S100A11: variants seen among roughly 807,000 people sequenced by gnomAD.
The protein encoded by S100A11 is S100 calcium binding protein A11, also known as protein S100-A11.
A neutral mutation model predicts 7.4 loss-of-function variants in S100A11; 5 were observed. The ratio of observed to expected loss-of-function variants is 0.68; its 90% CI spans 0.35 to 1.42. The LOEUF is 1.42. Among genes scored for constraint, S100A11 ranks in the 40% most tolerant of loss-of-function variants. S100A11 has a pLI of 0.04. For synonymous variants in S100A11, 47 were observed against 46.6 expected, an observed-to-expected ratio of 1.01 and a Z score of -0.04; for missense variants, 96 against 125.0, an observed-to-expected ratio of 0.77 and a Z score of 1.11.
At chr1:152,032,901 CA>C in intron 2 of S100A11, 78 bp from the exon 3 acceptor site, 1 of 1,112,456 alleles carries the variant, frequency 9.0e-7, no homozygotes, top group Non-Finnish European at 1.3e-6. Context: ...ATTTTATTCT[CA>C]CAGGAGTATA....
At position 152,032,774 on chromosome 1, in the gene S100A11, G is replaced by A. The variant is rs1447849101; in HGVS notation, c.206C>T (p.Thr69Ile). 1.2e-6 allele frequency: 2 copies of A among 1,613,938 alleles called. No homozygotes were observed. Among genetic ancestry groups the A allele is most frequent in the South Asian group, 2.2e-5 (2 of 91,080 alleles). Reference protein sequence around the residue: ...VLDRMMKKLDTNSDGQLDFSE... With the variant: ...VLDRMMKKLDINSDGQLDFSE... ...GAAATCTAGCTGACCATCACTGTTG[G>A]TGTCCAGTTTCTTCATCATGCGGTC... The change falls in exon 3 of 3, where the codon ACC becomes ATC. Residue 69 changes from threonine (T) to isoleucine (I), a missense_variant. Transcript: ENST00000271638.
chr1:152,034,655 A>C (rs1656800652), intron 1 of S100A11, among the ~76,000 whole-genome samples: 1 of 152,240 alleles, frequency 6.6e-6, no homozygotes, highest in Non-Finnish European at 1.5e-5. Flanking sequence ...AGGAAATTCT[A>C]TAGGGCCCAG....
chr1:152,035,120 T>C (rs189722981), intron 1 of S100A11, among the ~76,000 whole-genome samples: 4 of 152,356 alleles, frequency 2.6e-5, no homozygotes, highest in Non-Finnish European at 5.9e-5. Context: ...GTTTTTGTTT[T>C]GCTCTAAATT....
intron 1 of S100A11, among the ~76,000 whole-genome samples, chr1:152,035,554 T>C (rs1656814896): frequency 6.6e-6 from 1 of 152,230 alleles, no homozygotes; most frequent in South Asian, 2.1e-4. Flanking sequence ...CTCCCAGAGG[T>C]AATTCTCCAA....
chr1:152,033,630 G>T lies in S100A11; in HGVS notation c.156+18C>A. ...GTTGTGGGTAGTTTGGGGAAGTGGGGGAGACAGGGACCAGTACCTTTGTGA... is the reference window on the plus strand; with the variant it reads ...GTTGTGGGTAGTTTGGGGAAGTGGGTGAGACAGGGACCAGTACCTTTGTGA... On this transcript the variant is annotated intron_variant, in intron 2 of 2. Transcript: ENST00000271638. This position sits in a 1 kb window ranked among gnomAD's most constrained non-coding sequence, Gnocchi z 4.0. The T allele has an allele frequency of 6.2e-7, 1 of 1,610,186 alleles. No individual in the cohort carries two copies. The highest frequency in any genetic ancestry group is 1.1e-5 in the South Asian group (1 of 90,926).
chr1:152,035,466 T>C (rs74509914), intron 1 of S100A11, among the ~76,000 whole-genome samples: 1,865 of 152,348 alleles, frequency 0.012, 37 homozygotes, highest in African/African-American at 0.043. Flanking sequence ...CTTGGTGTAA[T>C]TTAGAGATTA....
chr1:152,032,763 C>T lies in S100A11; in HGVS notation c.217G>A (p.Gly73Ser). ...MMKKLDTNSDGQLDFSEFLNL... is the reference protein window; with the variant it reads ...MMKKLDTNSDSQLDFSEFLNL... ...AGAAATTCTGAGAAATCTAGCTGAC[C>T]ATCACTGTTGGTGTCCAGTTTCTTC... The change falls in exon 3 of 3, where the codon GGT becomes AGT. Residue 73 changes from glycine to serine, a missense_variant. Transcript: ENST00000271638. 1.2e-6 allele frequency: 2 copies of T among 1,613,952 alleles called. No individual in the cohort carries two copies. Among genetic ancestry groups the T allele is most frequent in the Middle Eastern group, 1.6e-4 (1 of 6,062 alleles).
Position 152,033,796 on chromosome 1 carries a change from T to G in S100A11, c.8A>C (p.Lys3Thr). 2 of 1,614,022 alleles carry G rather than the reference T, an allele frequency of 1.2e-6. No homozygotes were observed. The highest frequency in any genetic ancestry group is 2.7e-5 in the African/African-American group (2 of 75,006). MA[K>T]ISSPTETERC... is the part of the protein sequence containing the mutation. ...CTCAGTCTCTGTAGGGCTGGAGATT[T>G]TTGCCTTTGGAGAAAAAAAATTGCA... is the stretch of plus-strand genomic sequence containing the variant. The change falls in exon 2 of 3, where the codon AAA becomes ACA. Residue 3 changes from lysine to threonine, a missense_variant. By Grantham distance (78) the Lys-to-Thr change is moderately conservative. Transcript: ENST00000271638. The surrounding 1 kb of genome is among the most constrained non-coding windows in gnomAD (Gnocchi z 4.0).
chr1:152,032,564 G>A lies in S100A11; in HGVS notation c.*98C>T. 1.9e-6 allele frequency: 2 copies of A among 1,041,100 alleles called. No homozygotes were observed. The highest frequency in any genetic ancestry group is 1.7e-5 in the South Asian group (1 of 58,400). 64.5% of individuals were successfully genotyped at this position (1,041,100 alleles called of 1,614,324 possible). On this transcript the variant is annotated 3_prime_UTR_variant, in exon 3 of 3. Coordinates refer to ENST00000271638, the MANE Select transcript of S100A11 (RefSeq NM_005620.2). ...CTATTGGCAGGTGGGGCCTGCATGA[G>A]GTGGTTAGTGTGCTCAGGGGATGGG...
At chr1:152,035,973 G>C (rs1481254240) in intron 1 of S100A11, among the ~76,000 whole-genome samples, 1 of 152,252 alleles carries the variant, frequency 6.6e-6, no homozygotes, top group South Asian at 2.1e-4. Context: ...ACCCCAGACA[G>C]TATGGAAGGG....
At position 152,036,940 on chromosome 1, in the gene S100A11, G is replaced by A; in HGVS notation, c.-25C>T. On this transcript the variant is annotated 5_prime_UTR_variant, in exon 1 of 3. Coordinates refer to ENST00000271638, the MANE Select transcript of S100A11 (RefSeq NM_005620.2). ...TGTTGGAGCTGAGCGAGGCGCGGGA[G>A]GCTGTGGCTGGGAGCGGCGCTGAGA... The A allele has an allele frequency of 6.2e-7, 1 of 1,613,610 alleles. No homozygotes were observed. Among genetic ancestry groups the A allele is most frequent in the South Asian group, 1.1e-5 (1 of 91,050 alleles).
In S100A11 at chr1:152,032,763, C is replaced by G; in HGVS notation, c.217G>C (p.Gly73Arg). The G allele has an allele frequency of 6.2e-7, 1 of 1,613,952 alleles. No homozygotes were observed. Among genetic ancestry groups the G allele is most frequent in the South Asian group, 1.1e-5 (1 of 91,078 alleles). ...AGAAATTCTGAGAAATCTAGCTGAC[C>G]ATCACTGTTGGTGTCCAGTTTCTTC... ...MMKKLDTNSD[G>R]QLDFSEFLNL... is the part of the protein sequence containing the mutation. Residue 73 changes from glycine (G) to arginine (R), a missense_variant, in exon 3 of 3, where the codon GGT becomes CGT. Transcript: ENST00000271638.
rs1656775261 is a variant in S100A11, at chr1:152,033,311, C to A, written c.156+337G>T. On this transcript the variant is annotated intron_variant, in intron 2 of 2. Coordinates refer to ENST00000271638, the MANE Select transcript of S100A11 (RefSeq NM_005620.2). The surrounding 1 kb of genome is among the most constrained non-coding windows in gnomAD (Gnocchi z 4.0). ...AAGTCAGTCTGTTAGTCACACTAGC[C>A]ACATTTCAAGCACTCAGCAGACACA... 6.6e-6 allele frequency among the ~76,000 whole-genome samples: 1 copy of A among 152,212 alleles called. No homozygotes were observed. The highest frequency in any genetic ancestry group is 6.5e-5 in the Admixed American group (1 of 15,288).
At position 152,033,793 on chromosome 1, in the gene S100A11, A is replaced by G. The variant is rs764726599; in HGVS notation, c.11T>C (p.Ile4Thr). The change falls in exon 2 of 3, where the codon ATC (isoleucine) becomes ACC (threonine). Residue 4 changes from isoleucine (I) to threonine (T), a missense_variant. Coordinates refer to ENST00000271638, the MANE Select transcript of S100A11 (RefSeq NM_005620.2). The surrounding 1 kb of genome is among the most constrained non-coding windows in gnomAD (Gnocchi z 4.0). MAK[I>T]SSPTETERCI... ...CCGCTCAGTCTCTGTAGGGCTGGAG[A>G]TTTTTGCCTTTGGAGAAAAAAAATT... 6.2e-7 allele frequency: 1 copy of G among 1,614,010 alleles called. No homozygotes were observed. The highest frequency in any genetic ancestry group is 1.1e-5 in the South Asian group (1 of 91,070).
intron 1 of S100A11, among the ~76,000 whole-genome samples, chr1:152,035,269 A>C (rs889971237): frequency 2.6e-5 from 4 of 152,228 alleles, no homozygotes; most frequent in Admixed American, 2.6e-4. Context: ...TGTCTTACTA[A>C]GGTATCAGAT....
intron 1 of S100A11, among the ~76,000 whole-genome samples, chr1:152,034,416 G>A (rs1197424728): frequency 2.0e-5 from 3 of 152,246 alleles, no homozygotes; most frequent in African/African-American, 7.2e-5. Context: ...ACAGGAGAAG[G>A]GAATGGATAT....
In S100A11 at chr1:152,036,811, C is replaced by T. The variant is rs574982844; in HGVS notation, c.3+102G>A. 2.9e-6 allele frequency: 3 copies of T among 1,051,648 alleles called. No homozygotes were observed. The South Asian group carries it at 3.9e-5, about 14-fold the overall frequency. The allele number at this position is 1,051,648 out of a possible 1,614,324, so 65.1% of individuals were successfully genotyped here. ...TTTTTCCTGCTGTTTCCTGCCACGTCCACACATAAGTCAAAGATAAAGTCT... is the reference window on the plus strand; with the variant it reads ...TTTTTCCTGCTGTTTCCTGCCACGTTCACACATAAGTCAAAGATAAAGTCT... On this transcript the variant is annotated intron_variant, in intron 1 of 2. Coordinates refer to ENST00000271638, the MANE Select transcript of S100A11 (RefSeq NM_005620.2).
rs1453720664 is a variant in S100A11 at position 152,033,615 on chromosome 1, GT to G, written c.156+32del. The G allele has an allele frequency of 1.2e-6, 2 of 1,606,928 alleles. No homozygotes were observed. The highest frequency in any genetic ancestry group is 2.7e-5 in the African/African-American group (2 of 74,754). On this transcript the variant is annotated intron_variant, in intron 2 of 2. Transcript: ENST00000271638. This position sits in a 1 kb window ranked among gnomAD's most constrained non-coding sequence, Gnocchi z 4.0. ...AGGGTCTTGTTTCATGTTGTGGGTA[GT>G]TTGGGGAAGTGGGGGAGACAGGGAC...
Position 152,032,629 on chromosome 1 carries a change from G to A in S100A11, c.*33C>T. 6.3e-7 allele frequency: 1 copy of A among 1,586,382 alleles called. No individual in the cohort carries two copies. The highest frequency in any genetic ancestry group is 8.6e-7 in the Non-Finnish European group (1 of 1,159,120). The stretch of plus-strand genomic sequence containing the variant: ...GATGACAGAAAGGCTGGAAGGAAAG[G>A]GGGTGGGTTTGAAGGCCAGGGCCAA... On this transcript the variant is annotated 3_prime_UTR_variant, in exon 3 of 3. Coordinates refer to ENST00000271638, the MANE Select transcript of S100A11 (RefSeq NM_005620.2).
Sources: gnomAD v4.1 joint callset for allele counts (sites outside exome capture counted in the v4.1 genomes callset) on GRCh38, gnomAD v4.1.1 for gene constraint, Gnocchi (gnomAD v3.1) non-coding constraint, MANE v1.5 for transcripts, NCBI Gene and HGNC (gene_info 2026-07-23, HGNC 2026-07-21) for gene names.